SUSD6: variants seen among roughly 807,000 people sequenced by gnomAD.
SUSD6 encodes sushi domain containing 6, also known as sushi domain-containing protein 6.
A neutral mutation model predicts 28.4 loss-of-function variants in SUSD6; 16 were observed. The ratio of observed to expected loss-of-function variants is 0.56; its 90% CI spans 0.38 to 0.86. SUSD6 has a LOEUF of 0.86. SUSD6 is among the 40% of genes least tolerant of loss of function. SUSD6 has a pLI of 0.00. For missense variants in SUSD6, 341 were observed against 384.2 expected (o/e 0.89, Z 0.94); for synonymous variants, 147 against 159.6 (o/e 0.92, Z 0.59).
chr14:69,673,732 A>G (rs931670265), intron 2 of SUSD6, among the ~76,000 whole-genome samples: 2 of 152,022 alleles, frequency 1.3e-5, no homozygotes, highest in Non-Finnish European at 2.9e-5. Flanking sequence ...AAAAGTCTGC[A>G]TTTTCGGATG....
At chr14:69,687,583 G>GT (rs1209522060) in intron 2 of SUSD6, among the ~76,000 whole-genome samples, 2 of 152,172 alleles carry the variant, frequency 1.3e-5, no homozygotes, top group African/African-American at 4.8e-5. Flanking sequence ...GTTTCAATCC[G>GT]TAACTGTGGG....
chr14:69,687,610 G>T (rs946357505), intron 2 of SUSD6, among the ~76,000 whole-genome samples: 2 of 152,230 alleles, frequency 1.3e-5, no homozygotes, highest in Admixed American at 1.3e-4. Context: ...GAGTTGTTAT[G>T]TATGTGCTTT....
chr14:69,633,473 C>T lies in SUSD6; in HGVS notation c.-81+21645C>T, dbSNP rs1037763754. 4.9e-4 allele frequency among the ~76,000 whole-genome samples: 74 copies of T among 152,238 alleles called. 6 individuals carry two copies. Among genetic ancestry groups the T allele is most frequent in the Non-Finnish European group, 5.9e-5 (4 of 68,050 alleles). ...CATTCCTGCCCCAGAAGGAATGTTCCCTCTTTACACCCTCATACTTATTCA... is the reference window on the plus strand; with the variant it reads ...CATTCCTGCCCCAGAAGGAATGTTCTCTCTTTACACCCTCATACTTATTCA... On this transcript the variant is annotated intron_variant, in intron 1 of 5. Coordinates refer to ENST00000342745, the MANE Select transcript of SUSD6 (RefSeq NM_014734.4).
At chr14:69,710,164 G>T (rs1431997508) in intron 5 of SUSD6, among the ~76,000 whole-genome samples, 1 of 152,232 alleles carries the variant, frequency 6.6e-6, no homozygotes, top group Non-Finnish European at 1.5e-5. Flanking sequence ...TGTGAGATGT[G>T]TGTAAGTGTA....
intron 1 of SUSD6, among the ~76,000 whole-genome samples, chr14:69,622,238 C>T (rs760081306): frequency 3.9e-5 from 6 of 152,130 alleles, no homozygotes; most frequent in African/African-American, 9.7e-5. Context: ...CATCGCGGCT[C>T]GCTGCAGCCT....
At chr14:69,683,848 T>A (rs1253831428) in intron 2 of SUSD6, among the ~76,000 whole-genome samples, 1 of 152,210 alleles carries the variant, frequency 6.6e-6, no homozygotes, top group African/African-American at 2.4e-5. Context: ...GAGCCCCAAC[T>A]CTGTCCATGG....
chr14:69,625,986 G>A (rs952910479), intron 1 of SUSD6, among the ~76,000 whole-genome samples: 1 of 152,114 alleles, frequency 6.6e-6, no homozygotes, highest in Non-Finnish European at 1.5e-5. Flanking sequence ...TCCCCATGGT[G>A]TTCCACCTGC....
At position 69,612,766 on chromosome 14, in the gene SUSD6, T is replaced by G. The variant is rs144516585; in HGVS notation, c.-81+938T>G. 3.3e-5 allele frequency among the ~76,000 whole-genome samples: 5 copies of G among 152,358 alleles called. No individual in the cohort carries two copies. The East Asian group carries it at 9.6e-4, about 29-fold the overall frequency. The stretch of plus-strand genomic sequence containing the variant: ...TGCTCTCGCTAACTGGGCTCCTGTG[T>G]GCTCTTCCAGAGGTGCAGTAAGATT... On this transcript the variant is annotated intron_variant, in intron 1 of 5. Coordinates refer to ENST00000342745, the MANE Select transcript of SUSD6 (RefSeq NM_014734.4).
At chr14:69,615,239 C>T (rs4899308) in intron 1 of SUSD6, among the ~76,000 whole-genome samples, 105,496 of 152,094 alleles carry the variant, frequency 0.69, 38,138 homozygotes, top group Admixed American at 0.81. Context: ...AGGTTTCTCA[C>T]GAGCTCCATA....
chr14:69,674,587 T>A (rs1381571051), intron 2 of SUSD6, among the ~76,000 whole-genome samples: 2 of 152,180 alleles, frequency 1.3e-5, no homozygotes, highest in African/African-American at 4.8e-5. Context: ...TCCTTGTCTC[T>A]TCTGCCCACT....
chr14:69,649,770 C>T (rs1885477389), intron 1 of SUSD6, among the ~76,000 whole-genome samples: 2 of 152,142 alleles, frequency 1.3e-5, no homozygotes, highest in Non-Finnish European at 2.9e-5. Flanking sequence ...TTTGGAAGAG[C>T]CTTCCATGCC....
In SUSD6 at chr14:69,628,365, A is replaced by G. The variant is rs558369525; in HGVS notation, c.-81+16537A>G. Among the ~76,000 whole-genome samples, 20 of 152,334 alleles carry G rather than the reference A, an allele frequency of 1.3e-4. No individual in the cohort carries two copies. In the South Asian group the frequency reaches 1.9e-3, roughly 14 times the overall value. Reference sequence around the variant, plus strand: ...GAATTTGAAGGTTGCTGATGGGGCTATGTTACTAATGGGGCTGTGTGCTTG... The same window carrying G: ...GAATTTGAAGGTTGCTGATGGGGCTGTGTTACTAATGGGGCTGTGTGCTTG... On this transcript the variant is annotated intron_variant, in intron 1 of 5. Transcript: ENST00000342745.
At chr14:69,705,188 C>T (rs1375584404) in intron 4 of SUSD6, among the ~76,000 whole-genome samples, 4 of 151,656 alleles carry the variant, frequency 2.6e-5, no homozygotes, top group East Asian at 3.9e-4. Flanking sequence ...TGTGGTGGCG[C>T]GCGCCTGTAG....
intron 1 of SUSD6, among the ~76,000 whole-genome samples, chr14:69,633,410 C>A (rs1885222230): frequency 6.6e-6 from 1 of 152,234 alleles, no homozygotes; most frequent in Non-Finnish European, 1.5e-5. Flanking sequence ...TCTTCCCGAC[C>A]TTACCCTGCC....
chr14:69,650,173 A>G (rs1885482340), intron 1 of SUSD6, among the ~76,000 whole-genome samples: 1 of 152,184 alleles, frequency 6.6e-6, no homozygotes, highest in Non-Finnish European at 1.5e-5. Flanking sequence ...GCCTAGTCTC[A>G]GGCAGTGTTT....
chr14:69,685,854 C>G (rs987230456), intron 2 of SUSD6, among the ~76,000 whole-genome samples: 1 of 152,126 alleles, frequency 6.6e-6, no homozygotes, highest in Non-Finnish European at 1.5e-5. Context: ...ATTGACACCC[C>G]GATTGCCTTT....
chr14:69,611,619 C>G lies in SUSD6; in HGVS notation c.-290C>G, dbSNP rs1351824341. The stretch of plus-strand genomic sequence containing the variant: ...TCAGTGACGCGGGCGCTGCAGCCGT[C>G]GCTACCGCCGCGTTCTATTCTCCGA... On this transcript the variant is annotated 5_prime_UTR_variant, in exon 1 of 6. Coordinates refer to ENST00000342745, the MANE Select transcript of SUSD6 (RefSeq NM_014734.4). 4 of 151,018 alleles carry G rather than the reference C, an allele frequency of 2.6e-5. No homozygotes were observed. Among genetic ancestry groups the G allele is most frequent in the African/African-American group, 9.7e-5 (4 of 41,244 alleles). The allele number at this position is 151,018 out of a possible 1,614,324, so 9.4% of individuals were successfully genotyped here.
chr14:69,653,187 C>T (rs530703351), intron 1 of SUSD6, among the ~76,000 whole-genome samples: 22 of 152,284 alleles, frequency 1.4e-4, no homozygotes, highest in African/African-American at 5.3e-4. Flanking sequence ...AGGGCAGTCA[C>T]CCAGCTGTTG....
chr14:69,670,544 A>G (rs939273205), intron 2 of SUSD6: 20 of 456,380 alleles, frequency 4.4e-5, no homozygotes, highest in Non-Finnish European at 8.8e-5. Context: ...ACAAGGTGGC[A>G]TAGTCAGGTG....
Sources: allele counts gnomAD v4.1 joint callset (sites outside exome capture counted in the v4.1 genomes callset), GRCh38; gene constraint gnomAD v4.1.1; transcripts MANE v1.5; gene names NCBI Gene and HGNC (gene_info 2026-07-23, HGNC 2026-07-21).